Variants in ZNF276 observed in about 807,000 individuals in gnomAD.
The protein encoded by ZNF276 is zinc finger protein 276, also known as centromere protein Z.
In ZNF276, 59 loss-of-function variants were observed where a neutral mutation model predicts 63.9. That is an observed-to-expected ratio of 0.92 (90% CI 0.75 to 1.15). The LOEUF (loss-of-function observed/expected upper bound fraction) is 1.15, where lower values mean the gene tolerates loss of function less well. ZNF276 is among the 50% of genes most tolerant of loss of function. The pLI is 0.00. For missense variants in ZNF276, 1,084 were observed against 843.8 expected, an observed-to-expected ratio of 1.28 and a Z score of -3.53; for synonymous variants, 496 against 348.4, an observed-to-expected ratio of 1.42 and a Z score of -4.72.
intron 8 of ZNF276, 52 bp downstream of exon 8, chr16:89,733,609 G>C (rs2061747867): frequency 1.3e-6 from 2 of 1,596,154 alleles, no homozygotes; most frequent in African/African-American, 2.7e-5. Context: ...GTGTGAACCT[G>C]GGGGAGGTAG....
In ZNF276 at chr16:89,733,359, T is replaced by C; in HGVS notation, c.1227T>C (p.Ile409=). 1 of 1,614,038 alleles carries C rather than the reference T, an allele frequency of 6.2e-7. No homozygotes were observed. The highest frequency in any genetic ancestry group is 8.5e-7 in the Non-Finnish European group (1 of 1,180,022). ...KEAKKSEEPR[I]RKKPGPKPGW... Reference sequence around the variant, plus strand: ...CCAAGAAGTCTGAAGAACCAAGAATTCGGAAGAAGCCGGGACCCAAGCCCG... The same window carrying C: ...CCAAGAAGTCTGAAGAACCAAGAATCCGGAAGAAGCCGGGACCCAAGCCCG... The change falls in exon 7 of 11, where the codon ATT becomes ATC. Residue 409 remains isoleucine (I), a synonymous_variant. Coordinates refer to ENST00000443381, the MANE Select transcript of ZNF276 (RefSeq NM_001113525.2).
At chr16:89,724,237 G>T (rs1363313612) in intron 4 of ZNF276, among the ~76,000 whole-genome samples, 1 of 152,212 alleles carries the variant, frequency 6.6e-6, no homozygotes, top group African/African-American at 2.4e-5. Flanking sequence ...ACTGTGGGCT[G>T]GTGCAGCTGC....
At chr16:89,731,249 C>T (rs2061639837) in intron 6 of ZNF276, among the ~76,000 whole-genome samples, 2 of 152,232 alleles carry the variant, frequency 1.3e-5, no homozygotes, top group South Asian at 4.1e-4. Flanking sequence ...CAGTTCTTCT[C>T]AGTGCGTTTT....
At chr16:89,722,417 C>A in intron 1 of ZNF276, 114 bp from the exon 2 acceptor site, 2 of 1,271,892 alleles carry the variant, frequency 1.6e-6, no homozygotes, top group Non-Finnish European at 2.1e-6. Flanking sequence ...CTTGCTGTGT[C>A]CGGGAGCCGC....
rs1258311819 is a variant in ZNF276, at chr16:89,739,791, C to G, written c.*1545C>G. 1.9e-5 allele frequency: 28 copies of G among 1,466,728 alleles called. No homozygotes were observed. The highest frequency in any genetic ancestry group is 2.8e-5 in the South Asian group (2 of 71,606). The allele number at this position is 1,466,728 out of a possible 1,614,324, so 90.9% of individuals were successfully genotyped here. On this transcript the variant is annotated 3_prime_UTR_variant, in exon 11 of 11. Coordinates refer to ENST00000443381, the MANE Select transcript of ZNF276 (RefSeq NM_001113525.2). ...AGAGAGAGGCAGTCCCCATGATAGG[C>G]CCATTGGTCCTGGGGTTGACCAGTG...
chr16:89,740,712 G>T lies in ZNF276; in HGVS notation c.*2466G>T. The T allele has an allele frequency of 9.6e-7, 1 of 1,043,218 alleles. No homozygotes were observed. The highest frequency in any genetic ancestry group is 1.3e-5 in the South Asian group (1 of 76,136). 64.6% of individuals were successfully genotyped at this position (1,043,218 alleles called of 1,614,324 possible). ...GCAAACACAAGGAGCTCCTGAGCTA[G>T]TCTGGAAACCCTGACTTGGAAGCTG... On this transcript the variant is annotated 3_prime_UTR_variant, in exon 11 of 11. Coordinates refer to ENST00000443381, the MANE Select transcript of ZNF276 (RefSeq NM_001113525.2).
intron 6 of ZNF276, among the ~76,000 whole-genome samples, chr16:89,730,065 C>T (rs1207288461): frequency 6.6e-6 from 1 of 152,174 alleles, no homozygotes; most frequent in East Asian, 1.9e-4. Context: ...GCCACTAGAA[C>T]CCTGCTGTGC....
chr16:89,729,094 G>A, intron 5 of ZNF276, 141 bp from the exon 6 acceptor site: 1 of 703,642 alleles, frequency 1.4e-6, no homozygotes, highest in African/African-American at 1.8e-5. Context: ...GGAAATTTGG[G>A]GATTTTAGAT....
At chr16:89,733,894 G>A (rs1171871915) in intron 8 of ZNF276, 27 bp from the exon 9 acceptor site, 1 of 1,609,268 alleles carries the variant, frequency 6.2e-7, no homozygotes, top group East Asian at 2.2e-5. Flanking sequence ...GCGGCTCTGA[G>A]GGTCTCTCAC....
At chr16:89,726,533 A>G (rs972034227) in intron 4 of ZNF276, among the ~76,000 whole-genome samples, 2 of 151,908 alleles carry the variant, frequency 1.3e-5, no homozygotes, top group Non-Finnish European at 2.9e-5. Context: ...GGGTTTAACC[A>G]TGTTAGCCAG....
At chr16:89,720,897 G>A (rs2061247579), upstream of ZNF276, 2 of 1,294,768 alleles carry the variant, frequency 1.5e-6, no homozygotes, top group Non-Finnish European at 2.0e-6. Context: ...GGTAGCCGAG[G>A]GGCTGGACGG....
chr16:89,735,895 G>GTT (rs202205113), intron 9 of ZNF276, among the ~76,000 whole-genome samples: 20,005 of 142,426 alleles, frequency 0.14, 1,925 homozygotes, highest in East Asian at 0.22. Flanking sequence ...TTTTTTGTTT[G>GTT]TTTGTTTGTT....
At chr16:89,722,899 G>A (rs1407954361) in intron 2 of ZNF276, 65 bp downstream of exon 2, 13 of 1,566,710 alleles carry the variant, frequency 8.3e-6, no homozygotes, top group African/African-American at 2.7e-5. Flanking sequence ...GGTGTTGAGA[G>A]AGGGACAGGG....
At chr16:89,720,720 G>A (rs527751471), upstream of ZNF276, 48 of 1,410,772 alleles carry the variant, frequency 3.4e-5, no homozygotes, top group African/African-American at 5.2e-4. Flanking sequence ...GTCCCTCCAG[G>A]GGCCACCCTC....
At position 89,740,044 on chromosome 16, in the gene ZNF276, A is replaced by G. The variant is rs986710868; in HGVS notation, c.*1798A>G. On this transcript the variant is annotated 3_prime_UTR_variant, in exon 11 of 11. Coordinates refer to ENST00000443381, the MANE Select transcript of ZNF276 (RefSeq NM_001113525.2). ...CAGCCAGGATATCTTCCTCTTCTCT[A>G]AACACTCGAGGATTGCTGCACAAAC... 2 of 1,614,126 alleles carry G rather than the reference A, an allele frequency of 1.2e-6. No homozygotes were observed. The highest frequency in any genetic ancestry group is 1.7e-6 in the Non-Finnish European group (2 of 1,180,032).
chr16:89,737,016 G>C (rs2061942549), intron 9 of ZNF276, among the ~76,000 whole-genome samples: 1 of 152,260 alleles, frequency 6.6e-6, no homozygotes, highest in East Asian at 1.9e-4. Flanking sequence ...GCAGCACAGG[G>C]TGAGTGGGTC....
In ZNF276 at chr16:89,739,982, CGT is replaced by C. The variant is rs1491270557; in HGVS notation, c.*1739_*1740del. 19 of 1,613,658 alleles carry C rather than the reference CGT, an allele frequency of 1.2e-5. No homozygotes were observed. In the Admixed American group the frequency reaches 3.2e-4, roughly 27 times the overall value. ...GCCCTCCGCATTTGTGCCTCAGCAGCGTGTTTCTTACCACTCTCTGTCAACTG... is the reference window on the plus strand; with the variant it reads ...GCCCTCCGCATTTGTGCCTCAGCAGCGTTTCTTACCACTCTCTGTCAACTG... On this transcript the variant is annotated 3_prime_UTR_variant, in exon 11 of 11. Coordinates refer to ENST00000443381, the MANE Select transcript of ZNF276 (RefSeq NM_001113525.2).
intron 8 of ZNF276, 50 bp downstream of exon 8, chr16:89,733,607 C>G: frequency 1.9e-6 from 3 of 1,599,112 alleles, no homozygotes; most frequent in South Asian, 1.1e-5. Context: ...CAGTGTGAAC[C>G]TGGGGGAGGT....
chr16:89,720,694 C>T (rs1463201865), upstream of ZNF276: 7 of 1,318,514 alleles, frequency 5.3e-6, no homozygotes, highest in African/African-American at 1.5e-5. Context: ...CCCGTCCTCG[C>T]CCTCCCCGGG....
Sources: gnomAD v4.1 joint callset for allele counts (sites outside exome capture counted in the v4.1 genomes callset) on GRCh38, gnomAD v4.1.1 for gene constraint, MANE v1.5 for transcripts, NCBI Gene and HGNC (gene_info 2026-07-23, HGNC 2026-07-21) for gene names.